PCDH9: variants seen among roughly 807,000 people sequenced by gnomAD.
PCDH9 encodes protocadherin 9, also known as protocadherin-9.
A neutral mutation model predicts 70.6 loss-of-function variants in PCDH9; 24 were observed. The observed-to-expected ratio is 0.34, with a 90% CI of 0.25 to 0.48. The LOEUF (loss-of-function observed/expected upper bound fraction) is 0.48. PCDH9 is among the 20% of genes least tolerant of loss of function. PCDH9 has a pLI of 0.99. For synonymous variants in PCDH9, 562 were observed against 558.5 expected (o/e 1.01, Z -0.09); for missense variants, 1,281 against 1,503.6 (o/e 0.85, Z 2.45).
At chr13:67,195,974 G>A (rs902943683) in intron 2 of PCDH9, among the ~76,000 whole-genome samples, 2 of 152,128 alleles carry the variant, frequency 1.3e-5, no homozygotes, top group African/African-American at 4.8e-5. Context: ...TGACTTATAT[G>A]ATATGTAAAA....
At chr13:66,709,596 G>A (rs2078764802) in intron 3 of PCDH9, among the ~76,000 whole-genome samples, 1 of 152,128 alleles carries the variant, frequency 6.6e-6, no homozygotes, top group African/African-American at 2.4e-5. Flanking sequence ...CAACAAATAA[G>A]CAAACACCAA....
At chr13:67,172,663 A>T (rs1446093786) in intron 2 of PCDH9, among the ~76,000 whole-genome samples, 1 of 152,004 alleles carries the variant, frequency 6.6e-6, no homozygotes, top group Non-Finnish European at 1.5e-5. Context: ...GGATCACCTG[A>T]GGTCCGGAGT....
chr13:66,306,347 G>A (rs902103993), intron 4 of PCDH9: 2 of 149,554 alleles, frequency 1.3e-5, no homozygotes, highest in Admixed American at 1.4e-4. Flanking sequence ...AATTCCCACC[G>A]AGACAGGAAA....
At chr13:67,176,431 T>C (rs1160057755) in intron 2 of PCDH9, among the ~76,000 whole-genome samples, 1 of 152,026 alleles carries the variant, frequency 6.6e-6, no homozygotes, top group Non-Finnish European at 1.5e-5. Flanking sequence ...AAAGATACTT[T>C]CCATTCAGTG....
chr13:67,006,429 T>A (rs1349475371), intron 2 of PCDH9, among the ~76,000 whole-genome samples: 5 of 152,208 alleles, frequency 3.3e-5, no homozygotes, highest in African/African-American at 9.6e-5. Context: ...ATTATCAGAA[T>A]TACCCGAATA....
intron 2 of PCDH9, among the ~76,000 whole-genome samples, chr13:67,086,028 GAA>G (rs2086101012): frequency 6.6e-6 from 1 of 152,016 alleles, no homozygotes; most frequent in Admixed American, 6.6e-5. Flanking sequence ...TATAACTAAG[GAA>G]AATATTAATG....
At chr13:66,627,620 C>A (rs1051496725) in intron 4 of PCDH9, among the ~76,000 whole-genome samples, 2 of 152,126 alleles carry the variant, frequency 1.3e-5, no homozygotes, top group African/African-American at 4.8e-5. Context: ...CTTTTCTCCC[C>A]TTCCCAATGA....
intron 2 of PCDH9, among the ~76,000 whole-genome samples, chr13:67,078,062 C>T (rs1262213224): frequency 6.6e-6 from 1 of 152,130 alleles, no homozygotes; most frequent in African/African-American, 2.4e-5. Context: ...AAGGAAACTA[C>T]TTGGCATTCC....
chr13:66,680,290 A>G (rs1308619971), intron 3 of PCDH9, among the ~76,000 whole-genome samples: 2 of 151,986 alleles, frequency 1.3e-5, no homozygotes, highest in African/African-American at 4.8e-5. Context: ...TGACCATTCT[A>G]TTTATAGGTA....
chr13:66,802,485 A>C (rs2080342347), intron 3 of PCDH9, among the ~76,000 whole-genome samples: 2 of 152,100 alleles, frequency 1.3e-5, no homozygotes, highest in Non-Finnish European at 2.9e-5. Flanking sequence ...TTATAATTAC[A>C]CATTTTGTAC....
chr13:66,669,203 G>T (rs928904738), intron 3 of PCDH9, among the ~76,000 whole-genome samples: 4 of 152,102 alleles, frequency 2.6e-5, no homozygotes, highest in African/African-American at 2.4e-5. Context: ...GAGACACAAA[G>T]AATAAAAACG....
At chr13:66,691,449 C>T (rs1485627980) in intron 3 of PCDH9, among the ~76,000 whole-genome samples, 1 of 152,142 alleles carries the variant, frequency 6.6e-6, no homozygotes, top group Non-Finnish European at 1.5e-5. Context: ...TAATAAACAA[C>T]ATCTAGTCCA....
At chr13:67,061,407 C>CTA (rs2085537116) in intron 2 of PCDH9, among the ~76,000 whole-genome samples, 1 of 151,878 alleles carries the variant, frequency 6.6e-6, no homozygotes, top group Non-Finnish European at 1.5e-5. Flanking sequence ...CCCTCTCTCT[C>CTA]TCTATATATA....
At chr13:66,328,251 G>A (rs1282016194) in intron 4 of PCDH9, among the ~76,000 whole-genome samples, 1 of 151,640 alleles carries the variant, frequency 6.6e-6, no homozygotes, top group Non-Finnish European at 1.5e-5. Flanking sequence ...CTTTCTTTTT[G>A]TAATTATAGA....
At chr13:66,913,184 C>G (rs2082498238) in intron 2 of PCDH9, among the ~76,000 whole-genome samples, 1 of 151,866 alleles carries the variant, frequency 6.6e-6, no homozygotes, top group South Asian at 2.1e-4. Flanking sequence ...TCTTACTGTG[C>G]AAAACTTTAT....
intron 3 of PCDH9, among the ~76,000 whole-genome samples, chr13:66,781,051 A>G (rs2079990277): frequency 6.6e-6 from 1 of 152,208 alleles, no homozygotes. Context: ...TACTCATCAT[A>G]TGAAGTGGCC....
chr13:67,058,808 C>G (rs1198539957), intron 2 of PCDH9, among the ~76,000 whole-genome samples: 1 of 152,086 alleles, frequency 6.6e-6, no homozygotes, highest in Non-Finnish European at 1.5e-5. Flanking sequence ...AGCCCATATC[C>G]TGAAATTAAT....
At chr13:66,538,048 T>TA (rs1960781975) in intron 4 of PCDH9, among the ~76,000 whole-genome samples, 1 of 152,154 alleles carries the variant, frequency 6.6e-6, no homozygotes, top group Admixed American at 6.6e-5. Context: ...CCCTTCTCAT[T>TA]AGAGTTACTT....
chr13:67,004,821 T>A (rs1186575456), intron 2 of PCDH9, among the ~76,000 whole-genome samples: 1 of 152,006 alleles, frequency 6.6e-6, no homozygotes, highest in Non-Finnish European at 1.5e-5. Flanking sequence ...AATGATTAAA[T>A]GAGATATTTT....
Sources: gnomAD v4.1 joint callset for allele counts (sites outside exome capture counted in the v4.1 genomes callset) on GRCh38, gnomAD v4.1.1 for gene constraint, MANE v1.5 for transcripts, NCBI Gene and HGNC (gene_info 2026-07-23, HGNC 2026-07-21) for gene names.